Variants in NEK7 observed in about 807,000 individuals in gnomAD.
The protein encoded by NEK7 is NIMA related kinase 7.
NEK7 carries 18 observed loss-of-function variants against 44.6 expected under a neutral mutation model. The ratio of observed to expected loss-of-function variants is 0.40; its 90% CI spans 0.28 to 0.60. NEK7 has a LOEUF of 0.60. Among genes scored for constraint, NEK7 ranks in the 20% least tolerant of loss-of-function variants. NEK7 has a pLI of 0.38. For missense variants in NEK7, 256 were observed against 366.5 expected, an observed-to-expected ratio of 0.70 and a Z score of 2.46; for synonymous variants, 130 against 121.1, an observed-to-expected ratio of 1.07 and a Z score of -0.48.
intron 2 of NEK7, among the ~76,000 whole-genome samples, chr1:198,252,369 G>A (rs867163578): frequency 3.3e-5 from 5 of 151,464 alleles, no homozygotes; most frequent in South Asian, 2.1e-4. Context: ...AGGTTGGAGA[G>A]TTCTGTAGAT....
intron 9 of NEK7, among the ~76,000 whole-genome samples, chr1:198,313,171 T>C (rs1378843098): frequency 1.3e-5 from 2 of 152,250 alleles, no homozygotes; most frequent in Admixed American, 6.5e-5. Context: ...TCTTGTTGAG[T>C]TGATCCCTTT....
At chr1:198,318,546 C>T (rs957021903) in intron 9 of NEK7, among the ~76,000 whole-genome samples, 63 of 152,104 alleles carry the variant, frequency 4.1e-4, no homozygotes, top group Non-Finnish European at 8.2e-4. Flanking sequence ...AATGCAAATT[C>T]TCAAAATGTC....
At chr1:198,242,185 A>G (rs185475945) in intron 2 of NEK7, among the ~76,000 whole-genome samples, 1 of 151,994 alleles carries the variant, frequency 6.6e-6, no homozygotes, top group Non-Finnish European at 1.5e-5. Flanking sequence ...CTCAGGCCAC[A>G]CCTACTACCT....
chr1:198,207,712 T>C (rs1235624298), intron 1 of NEK7, among the ~76,000 whole-genome samples: 1 of 152,156 alleles, frequency 6.6e-6, no homozygotes, highest in Non-Finnish European at 1.5e-5. Context: ...ACAGGGGACT[T>C]GTATGGGCTG....
chr1:198,282,930 G>A (rs1654252320), intron 7 of NEK7, among the ~76,000 whole-genome samples: 1 of 152,108 alleles, frequency 6.6e-6, no homozygotes, highest in Non-Finnish European at 1.5e-5. Context: ...AAACTAGGAT[G>A]AATTATTAGT....
chr1:198,202,909 G>T (rs1158861764), intron 1 of NEK7, among the ~76,000 whole-genome samples: 1 of 152,092 alleles, frequency 6.6e-6, no homozygotes, highest in Non-Finnish European at 1.5e-5. Context: ...AATGACTCTA[G>T]GGTCAGGGAT....
intron 1 of NEK7, among the ~76,000 whole-genome samples, chr1:198,216,848 A>AG (rs1249106700): frequency 6.6e-6 from 1 of 151,988 alleles, no homozygotes; most frequent in Non-Finnish European, 1.5e-5. Flanking sequence ...GGAAATTGAT[A>AG]ATTATCAATT....
chr1:198,219,448 G>A (rs2102840433), intron 1 of NEK7, among the ~76,000 whole-genome samples: 1 of 151,476 alleles, frequency 6.6e-6, no homozygotes, highest in South Asian at 2.1e-4. Flanking sequence ...TGAAGTAAAT[G>A]AGGAATCAAA....
chr1:198,217,067 G>A (rs1284538855), intron 1 of NEK7, among the ~76,000 whole-genome samples: 1 of 151,980 alleles, frequency 6.6e-6, no homozygotes, highest in Non-Finnish European at 1.5e-5. Context: ...TATTTCTAAA[G>A]ATTGAGAAGG....
intron 1 of NEK7, among the ~76,000 whole-genome samples, chr1:198,195,375 G>C (rs1289073656): frequency 6.6e-6 from 1 of 152,118 alleles, no homozygotes; most frequent in African/African-American, 2.4e-5. Flanking sequence ...ATTTACACAT[G>C]ATTTAAAAGG....
intron 9 of NEK7, among the ~76,000 whole-genome samples, chr1:198,314,059 T>G (rs2103041098): frequency 6.6e-6 from 1 of 152,184 alleles, no homozygotes; most frequent in Middle Eastern, 3.4e-3. Context: ...CCCCGTCACT[T>G]TCAGGTACAC....
At chr1:198,203,855 GTCCT>G (rs750814110) in intron 1 of NEK7, among the ~76,000 whole-genome samples, 39 of 152,020 alleles carry the variant, frequency 2.6e-4, no homozygotes, top group South Asian at 4.2e-4. Context: ...GTGTGTGTGT[GTCCT>G]TCCTTCCTTC....
rs1553258439 is a variant in NEK7 at position 198,317,885 on chromosome 1, T to TTA, written c.799-1526_799-1525insAT. On this transcript the variant is annotated intron_variant, in intron 9 of 9. Transcript: ENST00000367385. ...TATTACTGGATATATTTATTTTTTT[T>TTA]TTTTTTTTTTTTTTTGGTAACCTGG... Among the ~76,000 whole-genome samples the TTA allele has an allele frequency of 3.7e-4, 54 of 144,522 alleles. 2 individuals carry two copies. The highest frequency in any genetic ancestry group is 7.2e-4 in the Non-Finnish European group (47 of 65,480). The allele number at this position is 144,522 out of a possible 152,430, so 94.8% of individuals were successfully genotyped here. A position where few individuals can be genotyped will look rare whatever the true frequency, so the allele number is the denominator to read the frequency against.
intron 3 of NEK7, 131 bp from the exon 4 acceptor site, chr1:198,262,444 A>G (rs1269884734): frequency 7.1e-6 from 4 of 562,892 alleles, no homozygotes; most frequent in Non-Finnish European, 1.3e-5. Flanking sequence ...ACTCCTTAAT[A>G]AAGAAAAGCT....
At chr1:198,219,434 T>G (rs1021936378) in intron 1 of NEK7, among the ~76,000 whole-genome samples, 19 of 151,672 alleles carry the variant, frequency 1.3e-4, no homozygotes, top group African/African-American at 4.6e-4. Context: ...GGCATTATTC[T>G]AAATGAAGTA....
At chr1:198,237,337 A>G (rs1213346517) in intron 2 of NEK7, among the ~76,000 whole-genome samples, 1 of 152,110 alleles carries the variant, frequency 6.6e-6, no homozygotes, top group Non-Finnish European at 1.5e-5. Context: ...CCGAATTCCA[A>G]ACTCATGTAT....
At chr1:198,256,524 T>A (rs1262151880) in intron 3 of NEK7, 1 of 1,522,202 alleles carries the variant, frequency 6.6e-7, no homozygotes, top group Non-Finnish European at 8.8e-7. Context: ...ATTTTGAAAT[T>A]CTCTGTACCA....
At chr1:198,284,107 C>A (rs1186434956) in intron 7 of NEK7, among the ~76,000 whole-genome samples, 1 of 152,100 alleles carries the variant, frequency 6.6e-6, no homozygotes, top group Non-Finnish European at 1.5e-5. Flanking sequence ...GCAAATCATT[C>A]AACTCTCTAA....
At chr1:198,271,368 T>A (rs1653838944) in intron 5 of NEK7, among the ~76,000 whole-genome samples, 1 of 152,012 alleles carries the variant, frequency 6.6e-6, no homozygotes, top group African/African-American at 2.4e-5. Context: ...GTGAGGTACA[T>A]CTTAGAATTC....
Sources: gnomAD v4.1 joint callset for allele counts (sites outside exome capture counted in the v4.1 genomes callset) on GRCh38, gnomAD v4.1.1 for gene constraint, MANE v1.5 for transcripts, NCBI Gene and HGNC (gene_info 2026-07-23, HGNC 2026-07-21) for gene names.